Variants in AASS observed in about 807,000 individuals in gnomAD.
The protein encoded by AASS is aminoadipate-semialdehyde synthase, also known as alpha-aminoadipic semialdehyde synthase, mitochondrial.
In AASS, 86 loss-of-function variants were observed where a neutral mutation model predicts 105.4. That is an observed-to-expected ratio of 0.82 (90% CI 0.69 to 0.98). The LOEUF (loss-of-function observed/expected upper bound fraction) is 0.98. Among genes scored for constraint, AASS ranks in the 50% least tolerant of loss-of-function variants. The pLI, the probability that AASS is intolerant of heterozygous loss-of-function variation, is 0.00. For missense variants in AASS, 1,048 were observed against 1,143.2 expected (o/e 0.92, Z 1.20); for synonymous variants, 381 against 394.8 (o/e 0.96, Z 0.41).
intron 11 of AASS, among the ~76,000 whole-genome samples, chr7:122,107,894 T>G (rs1467137441): frequency 6.6e-6 from 1 of 151,660 alleles, no homozygotes; most frequent in Non-Finnish European, 1.5e-5. Context: ...CTAAAAGTTT[T>G]TTTTAAGTAT....
Position 122,098,857 on chromosome 7 carries a change from A to G in AASS, c.1416T>C (p.Ala472=), listed in dbSNP as rs774275909. ...TCCTGGTGCCCATTGAAAGTGACTG[A>G]GCACGTTCCCTATTTAAAAAAAAAA... ...IQTLRESRER[A]QSLSMGTRRK... The change falls in exon 14 of 24, where the codon GCT becomes GCC. Residue 472 remains alanine, a synonymous_variant. Coordinates refer to ENST00000417368, the MANE Select transcript of AASS (RefSeq NM_005763.4). 6 of 1,335,098 alleles carry G rather than the reference A, an allele frequency of 4.5e-6. 1 individual carries two copies. In the East Asian group the frequency reaches 1.0e-4, roughly 23 times the overall value. 82.7% of individuals were successfully genotyped at this position (1,335,098 alleles called of 1,614,324 possible).
At position 122,107,302 on chromosome 7, in the gene AASS, G is replaced by T. The variant is rs1313092272; in HGVS notation, c.1279-5622C>A. On this transcript the variant is annotated intron_variant, in intron 11 of 23. Coordinates refer to ENST00000417368, the MANE Select transcript of AASS (RefSeq NM_005763.4). ...ACACTGTTGGTGGGAGTAAAAATCAGTTCAACCATTGTGGAAAGCAGTGTG... is the reference window on the plus strand; with the variant it reads ...ACACTGTTGGTGGGAGTAAAAATCATTTCAACCATTGTGGAAAGCAGTGTG... 3.9e-5 allele frequency among the ~76,000 whole-genome samples: 6 copies of T among 152,262 alleles called. No individual in the cohort carries two copies. The East Asian group carries it at 1.2e-3, about 29-fold the overall frequency.
In AASS at chr7:122,074,359, T is replaced by C. The variant is rs1792904267; in HGVS notation, c.*2130A>G. 6.6e-6 allele frequency among the ~76,000 whole-genome samples: 1 copy of C among 152,188 alleles called. No individual in the cohort carries two copies. Among genetic ancestry groups the C allele is most frequent in the African/African-American group, 2.4e-5 (1 of 41,458 alleles). ...TTTTAATTATTATTGTAACAGTTCT[T>C]TACATATTCTAAATACAAATTCCTC... On this transcript the variant is annotated 3_prime_UTR_variant, in exon 24 of 24. Transcript: ENST00000417368.
In AASS at chr7:122,075,484, C is replaced by T. The variant is rs539802209; in HGVS notation, c.*1005G>A. Among the ~76,000 whole-genome samples the T allele has an allele frequency of 2.6e-5, 4 of 152,312 alleles. No individual in the cohort carries two copies. In the South Asian group the frequency reaches 8.3e-4, roughly 32 times the overall value. On this transcript the variant is annotated 3_prime_UTR_variant, in exon 24 of 24. Transcript: ENST00000417368. The stretch of plus-strand genomic sequence containing the variant: ...ACAAGTTGAATAGAAATGGCCAAAG[C>T]AGACATCCTTGTCTTGTTTCTGATC...
chr7:122,077,795 G>A (rs1346566413), intron 23 of AASS, 43 bp downstream of exon 23: 1 of 1,612,296 alleles, frequency 6.2e-7, no homozygotes, highest in South Asian at 1.1e-5. Context: ...ATGGCTTGGA[G>A]GTGAAACAGA....
chr7:122,119,598 C>T (rs764570648), intron 4 of AASS, among the ~76,000 whole-genome samples: 1 of 152,034 alleles, frequency 6.6e-6, no homozygotes, highest in Non-Finnish European at 1.5e-5. Flanking sequence ...TTTCTTTTGT[C>T]GTTTTTCTAA....
chr7:122,093,433 C>T (rs538069855), intron 15 of AASS, among the ~76,000 whole-genome samples: 29 of 152,268 alleles, frequency 1.9e-4, no homozygotes, highest in African/African-American at 7.0e-4. Context: ...GATTATTCTA[C>T]CAAAAAGACA....
chr7:122,098,281 T>C lies in AASS; in HGVS notation c.1655+169A>G, dbSNP rs573799084. Among the ~76,000 whole-genome samples the C allele has an allele frequency of 2.0e-5, 3 of 152,030 alleles. No homozygotes were observed. In the East Asian group the frequency reaches 5.8e-4, roughly 29 times the overall value. On this transcript the variant is annotated intron_variant, in intron 15 of 23. Coordinates refer to ENST00000417368, the MANE Select transcript of AASS (RefSeq NM_005763.4). ...ATCATCACAGAATGTGTTCACTTTG[T>C]GAAAATTCATTGAGCTATATACTTA...
intron 11 of AASS, among the ~76,000 whole-genome samples, chr7:122,105,034 T>A (rs1210752232): frequency 6.6e-6 from 1 of 151,956 alleles, no homozygotes; most frequent in Non-Finnish European, 1.5e-5. Context: ...TCAAAGGGGA[T>A]GAAAGAAGAT....
In AASS at chr7:122,079,503, A is replaced by C. The variant is rs923506143; in HGVS notation, c.2396+94T>G. The C allele has an allele frequency of 6.9e-6, 8 of 1,154,282 alleles. No homozygotes were observed. In the East Asian group the frequency reaches 1.7e-4, roughly 25 times the overall value. 71.5% of individuals were successfully genotyped at this position (1,154,282 alleles called of 1,614,324 possible). A position where few individuals can be genotyped will look rare whatever the true frequency, so the allele number is the denominator to read the frequency against. On this transcript the variant is annotated intron_variant, in intron 21 of 23. Coordinates refer to ENST00000417368, the MANE Select transcript of AASS (RefSeq NM_005763.4). ...CCCACATTAGAGCAACGAATTAATC[A>C]AAGACAAATGTAAAATATTTAACTT... is the stretch of plus-strand genomic sequence containing the variant.
At chr7:122,137,050 C>T (rs556520642) in intron 1 of AASS, among the ~76,000 whole-genome samples, 1 of 152,320 alleles carries the variant, frequency 6.6e-6, no homozygotes, top group Admixed American at 6.5e-5. Context: ...AAGCTACTTT[C>T]ACTTTCACTT....
chr7:122,133,504 T>C lies in AASS; in HGVS notation c.210+13A>G. ...TCATTTTATTCTCACATAAAAATAT[T>C]GGAAATACTCACCTTATCATGAATG... On this transcript the variant is annotated intron_variant, in intron 2 of 23. Coordinates refer to ENST00000417368, the MANE Select transcript of AASS (RefSeq NM_005763.4). 3 of 1,613,786 alleles carry C rather than the reference T, an allele frequency of 1.9e-6. No individual in the cohort carries two copies. Among genetic ancestry groups the C allele is most frequent in the Non-Finnish European group, 2.5e-6 (3 of 1,179,670 alleles).
At chr7:122,122,366 C>A (rs572326116) in intron 4 of AASS, among the ~76,000 whole-genome samples, 28 of 151,950 alleles carry the variant, frequency 1.8e-4, no homozygotes, top group Non-Finnish European at 4.0e-4. Context: ...TGCTCTAATA[C>A]GTGTGTATTT....
chr7:122,137,292 G>A (rs1796189209), intron 1 of AASS, among the ~76,000 whole-genome samples: 1 of 152,140 alleles, frequency 6.6e-6, no homozygotes, highest in Non-Finnish European at 1.5e-5. Context: ...GCAGAAGCAG[G>A]ATTCCTAGTT....
intron 1 of AASS, among the ~76,000 whole-genome samples, chr7:122,135,031 A>C (rs969467188): frequency 1.5e-4 from 23 of 152,122 alleles, no homozygotes; most frequent in Non-Finnish European, 2.1e-4. Flanking sequence ...AGGACAGAAC[A>C]CCAAACACCT....
chr7:122,118,746 G>T, intron 4 of AASS, 116 bp from the exon 5 acceptor site: 1 of 1,050,054 alleles, frequency 9.5e-7, no homozygotes, highest in Non-Finnish European at 1.4e-6. Context: ...ATGCATCTCA[G>T]ATTTAGAAGA....
At chr7:122,116,518 G>A in intron 8 of AASS, 115 bp downstream of exon 8, 1 of 1,314,130 alleles carries the variant, frequency 7.6e-7, no homozygotes, top group Non-Finnish European at 1.1e-6. Context: ...ATACCCAAAG[G>A]ACTCACAACA....
intron 15 of AASS, 152 bp downstream of exon 15, chr7:122,098,298 A>G: frequency 1.4e-6 from 1 of 737,506 alleles, no homozygotes; most frequent in Non-Finnish European, 2.2e-6. Context: ...TCATTGAGCT[A>G]TATACTTATG....
intron 19 of AASS, among the ~76,000 whole-genome samples, chr7:122,083,071 G>C (rs1048710561): frequency 7.3e-5 from 11 of 151,480 alleles, no homozygotes; most frequent in African/African-American, 2.4e-4. Flanking sequence ...AGAGAGAGAG[G>C]GAAATAATTC....
Sources: allele counts gnomAD v4.1 joint callset (sites outside exome capture counted in the v4.1 genomes callset), GRCh38; gene constraint gnomAD v4.1.1; transcripts MANE v1.5; gene names NCBI Gene and HGNC (gene_info 2026-07-23, HGNC 2026-07-21).